Variants in PDE8B observed in about 807,000 individuals in gnomAD.
PDE8B encodes the protein phosphodiesterase 8B.
Under a neutral mutation model 101.3 loss-of-function variants are expected in PDE8B, and 26 were observed. The observed-to-expected ratio is 0.26, with a 90% CI of 0.19 to 0.36. The LOEUF is 0.36. Among genes scored for constraint, PDE8B ranks in the 10% least tolerant of loss-of-function variants. PDE8B has a pLI of 1.00. For missense variants in PDE8B, 810 were observed against 1,163.1 expected (o/e 0.70, Z 4.42); for synonymous variants, 424 against 429.3 (o/e 0.99, Z 0.15).
intron 10 of PDE8B, among the ~76,000 whole-genome samples, chr5:77,361,576 G>A (rs1252518475): frequency 1.3e-5 from 2 of 149,980 alleles, no homozygotes; most frequent in South Asian, 2.1e-4. Flanking sequence ...GTGCAGTGGC[G>A]CGATCTCGGC....
chr5:77,257,532 A>G (rs1280385983), intron 1 of PDE8B, among the ~76,000 whole-genome samples: 1 of 152,214 alleles, frequency 6.6e-6, no homozygotes, highest in African/African-American at 2.4e-5. Context: ...ACATAATAAT[A>G]CTAAAATATT....
chr5:77,337,805 T>A (rs1033347218), intron 6 of PDE8B, among the ~76,000 whole-genome samples: 9 of 152,206 alleles, frequency 5.9e-5, no homozygotes, highest in African/African-American at 2.2e-4. Context: ...CAGTTTTAAG[T>A]CTCTTTACAA....
chr5:77,187,987 T>C, the PDE8B span, among the ~76,000 whole-genome samples: 1 of 152,222 alleles, frequency 6.6e-6, no homozygotes, highest in East Asian at 1.9e-4. Context: ...GTATACATGT[T>C]TAAGAGGCCA....
chr5:77,291,023 A>G, intron 1 of PDE8B: 1 of 1,612,080 alleles, frequency 6.2e-7, no homozygotes, highest in Non-Finnish European at 8.5e-7. Context: ...AGGTGGGAAA[A>G]CAGATGGCCC....
intron 1 of PDE8B, among the ~76,000 whole-genome samples, chr5:77,273,322 G>A (rs1442260825): frequency 6.6e-6 from 1 of 152,162 alleles, no homozygotes; most frequent in Non-Finnish European, 1.5e-5. Flanking sequence ...TCAATTTCTT[G>A]AACAGGCAGG....
At chr5:77,402,018 C>G (rs1325756666) in intron 11 of PDE8B, among the ~76,000 whole-genome samples, 2 of 152,236 alleles carry the variant, frequency 1.3e-5, no homozygotes, top group East Asian at 3.9e-4. Flanking sequence ...TGTTTAGAAA[C>G]TACATTTTGA....
rs544128885 is a variant in PDE8B at position 77,249,248 on chromosome 5, G to A, written c.339+37984G>A. Among the ~76,000 whole-genome samples the A allele has an allele frequency of 9.2e-5, 14 of 152,258 alleles. No homozygotes were observed. The South Asian group carries it at 1.0e-3, about 11-fold the overall frequency. ...ATAATGATCCATATTTTTACAATAC[G>A]AAAAGCAGCATTTAACTATTTTCTG... On this transcript the variant is annotated intron_variant, in intron 1 of 21. Coordinates refer to ENST00000264917, the MANE Select transcript of PDE8B (RefSeq NM_003719.5).
the PDE8B span, among the ~76,000 whole-genome samples, chr5:77,123,834 A>G: frequency 6.6e-6 from 1 of 152,236 alleles, no homozygotes; most frequent in Admixed American, 6.5e-5. Flanking sequence ...CAAGGAAAGA[A>G]TAGTTCTGTG....
At chr5:77,218,085 T>A in intron 1 of PDE8B, among the ~76,000 whole-genome samples, 1 of 152,168 alleles carries the variant, frequency 6.6e-6, no homozygotes, top group Non-Finnish European at 1.5e-5. Context: ...TTAAGAAGCT[T>A]GTGATTGCTG....
At chr5:77,250,578 G>A (rs1383058582) in intron 1 of PDE8B, among the ~76,000 whole-genome samples, 1 of 152,224 alleles carries the variant, frequency 6.6e-6, no homozygotes, top group Non-Finnish European at 1.5e-5. Context: ...CACAGTGAAA[G>A]CAGAGAAGGT....
chr5:77,290,153 T>A, intron 1 of PDE8B: 1 of 1,345,106 alleles, frequency 7.4e-7, no homozygotes, highest in Non-Finnish European at 1.0e-6. Context: ...GGAAAATGAA[T>A]TCCAATCTGG....
chr5:77,125,405 G>A, the PDE8B span, among the ~76,000 whole-genome samples: 1 of 152,182 alleles, frequency 6.6e-6, no homozygotes. Flanking sequence ...CAGTTTGGTG[G>A]TTCTTCAAAA....
upstream of PDE8B, among the ~76,000 whole-genome samples, chr5:77,209,484 C>T (rs902508559): frequency 6.6e-6 from 1 of 152,180 alleles, no homozygotes; most frequent in African/African-American, 2.4e-5. Flanking sequence ...TTTCTTAGAC[C>T]ATCTAATTTA....
chr5:77,176,501 T>C, the PDE8B span, among the ~76,000 whole-genome samples: 1 of 152,208 alleles, frequency 6.6e-6, no homozygotes, highest in African/African-American at 2.4e-5. Context: ...GAGATATTCA[T>C]GGGCATGAGC....
intron 1 of PDE8B, chr5:77,290,886 G>A (rs955423852): frequency 1.2e-6 from 2 of 1,601,304 alleles, no homozygotes; most frequent in African/African-American, 2.7e-5. Context: ...AAAGATAATA[G>A]CCAAGGTTCT....
chr5:77,379,037 T>C (rs1786932997), intron 10 of PDE8B, among the ~76,000 whole-genome samples: 1 of 152,218 alleles, frequency 6.6e-6, no homozygotes, highest in East Asian at 1.9e-4. Context: ...TTAAGTGTTT[T>C]TCTGTGAGAT....
At chr5:77,269,808 T>C (rs1762434584) in intron 1 of PDE8B, among the ~76,000 whole-genome samples, 1 of 152,240 alleles carries the variant, frequency 6.6e-6, no homozygotes, top group Non-Finnish European at 1.5e-5. Flanking sequence ...TTTTGGGTTC[T>C]CTATTCTGTT....
chr5:77,210,716 C>T lies in PDE8B; in HGVS notation c.-210C>T. On this transcript the variant is annotated 5_prime_UTR_variant, in exon 1 of 22. Coordinates refer to ENST00000264917, the MANE Select transcript of PDE8B (RefSeq NM_003719.5). The surrounding 1 kb of genome is among the most constrained non-coding windows in gnomAD (Gnocchi z 4.9). ...CTCCCCCGCTCGGGGAGGAAGATGG[C>T]CCAAAAGGGAAAGTTGGGGTGACGC... 18 of 980,838 alleles carry T rather than the reference C, an allele frequency of 1.8e-5. No homozygotes were observed. Among genetic ancestry groups the T allele is most frequent in the Non-Finnish European group, 2.1e-5 (17 of 828,046 alleles). The allele number at this position is 980,838 out of a possible 1,614,324, so 60.8% of individuals were successfully genotyped here. A position where few individuals can be genotyped will look rare whatever the true frequency, so the allele number is the denominator to read the frequency against.
At chr5:77,137,327 G>A in the PDE8B span, among the ~76,000 whole-genome samples, 4 of 152,190 alleles carry the variant, frequency 2.6e-5, no homozygotes, top group African/African-American at 7.2e-5. Context: ...GTGAACAAAT[G>A]CAGCTGGATT....
Sources: gnomAD v4.1 joint callset for allele counts (sites outside exome capture counted in the v4.1 genomes callset) on GRCh38, gnomAD v4.1.1 for gene constraint, Gnocchi (gnomAD v3.1) non-coding constraint, MANE v1.5 for transcripts, NCBI Gene and HGNC (gene_info 2026-07-23, HGNC 2026-07-21) for gene names.